Variants in GALNT9 observed in about 807,000 individuals in gnomAD.
GALNT9 encodes GalNAc transferase 9.
A neutral mutation model predicts 63.1 loss-of-function variants in GALNT9; 47 were observed. The observed-to-expected ratio is 0.75, with a 90% CI of 0.59 to 0.95. The LOEUF (loss-of-function observed/expected upper bound fraction) is 0.95, where lower values mean the gene tolerates loss of function less well. Ranked by LOEUF, GALNT9 falls within the 40% of genes least tolerant of loss-of-function variation. The pLI is 0.00. For synonymous variants in GALNT9, 396 were observed against 365.7 expected, an observed-to-expected ratio of 1.08 and a Z score of -0.94; for missense variants, 829 against 874.8, an observed-to-expected ratio of 0.95 and a Z score of 0.66.
intron 1 of GALNT9, among the ~76,000 whole-genome samples, chr12:132,300,028 G>A (rs566325923): frequency 2.1e-4 from 22 of 103,640 alleles, no homozygotes; most frequent in South Asian, 3.4e-4. Flanking sequence ...TCACTCCCAT[G>A]ATAACTAACC....
chr12:132,221,051 CAAAAAAAA>C (rs550355613), intron 6 of GALNT9, among the ~76,000 whole-genome samples: 2 of 71,014 alleles, frequency 2.8e-5, no homozygotes, highest in Admixed American at 1.8e-4. Flanking sequence ...GAGATTGTGT[CAAAAAAAA>C]AAAAAAAAAA....
intron 1 of GALNT9, among the ~76,000 whole-genome samples, chr12:132,318,824 C>T (rs1555245903): frequency 6.6e-6 from 1 of 152,220 alleles, no homozygotes; most frequent in East Asian, 1.9e-4. Flanking sequence ...CAGCCCGGGC[C>T]AGTTATGACC....
chr12:132,298,691 C>T (rs1881168413), intron 1 of GALNT9, among the ~76,000 whole-genome samples: 1 of 150,934 alleles, frequency 6.6e-6, no homozygotes, highest in South Asian at 2.1e-4. Context: ...CTAACCCACC[C>T]CTGAGATAAC....
chr12:132,294,787 G>A (rs1287151519), intron 1 of GALNT9, among the ~76,000 whole-genome samples: 2 of 149,336 alleles, frequency 1.3e-5, no homozygotes, highest in Admixed American at 6.7e-5. Flanking sequence ...GGAGGGATCT[G>A]TTAATAGCTC....
chr12:132,197,769 G>A, intron 10 of GALNT9, 23 bp downstream of exon 10: 1 of 1,424,370 alleles, frequency 7.0e-7, no homozygotes, highest in Non-Finnish European at 9.6e-7. Flanking sequence ...CAACCCCACG[G>A]CCCCCCTTCC....
chr12:132,257,989 G>A, intron 4 of GALNT9, 103 bp from the exon 5 acceptor site: 1 of 778,564 alleles, frequency 1.3e-6, no homozygotes. Context: ...CACCTGGTCT[G>A]CATCTAGCCC....
intron 5 of GALNT9, among the ~76,000 whole-genome samples, chr12:132,249,761 G>A (rs1878838498): frequency 6.6e-6 from 1 of 152,212 alleles, no homozygotes; most frequent in African/African-American, 2.4e-5. Context: ...GGCAGCACCA[G>A]CTGGAACTGG....
chr12:132,301,224 C>T (rs1352520324), intron 1 of GALNT9, among the ~76,000 whole-genome samples: 2 of 152,262 alleles, frequency 1.3e-5, no homozygotes, highest in Admixed American at 1.3e-4. Flanking sequence ...AGGCACCACC[C>T]CTGTATGGTG....
intron 6 of GALNT9, among the ~76,000 whole-genome samples, chr12:132,237,260 A>G (rs1565994466): frequency 6.6e-6 from 1 of 151,960 alleles, no homozygotes; most frequent in Non-Finnish European, 1.5e-5. Context: ...ACACCCGTCC[A>G]CACCTGTTCA....
chr12:132,222,908 C>A (rs1877511350), intron 6 of GALNT9, among the ~76,000 whole-genome samples: 1 of 24,916 alleles, frequency 4.0e-5, no homozygotes, highest in South Asian at 1.5e-3. Flanking sequence ...ACCCCACACC[C>A]CACATACATC....
intron 1 of GALNT9, among the ~76,000 whole-genome samples, chr12:132,326,714 A>C (rs1460156866): frequency 1.3e-5 from 2 of 152,216 alleles, no homozygotes. Context: ...CGGATGGATT[A>C]GTATCGAGTG....
rs1414796881 is a variant in GALNT9, at chr12:132,316,425, A to C, written c.238+12541T>G. ...ATCTATTTAGTGCTATAGCTTCACT[A>C]AAAAAGGAAAAAGAAAGAAAAGGAA... On this transcript the variant is annotated intron_variant, in intron 1 of 10. Transcript: ENST00000328957. The surrounding 1 kb of genome is among the most constrained non-coding windows in gnomAD (Gnocchi z 4.3). Among the ~76,000 whole-genome samples, 1 of 152,132 alleles carries C rather than the reference A, an allele frequency of 6.6e-6. No homozygotes were observed. Among genetic ancestry groups the C allele is most frequent in the Non-Finnish European group, 1.5e-5 (1 of 68,016 alleles).
rs546510038 is a variant in GALNT9 at position 132,317,028 on chromosome 12, C to T, written c.238+11938G>A. The stretch of plus-strand genomic sequence containing the variant: ...AGCCTGCACCCTACACCCCACGGAG[C>T]ATGGTCCTATTCTACACCCCACAGA... On this transcript the variant is annotated intron_variant, in intron 1 of 10. Transcript: ENST00000328957. 8.6e-5 allele frequency among the ~76,000 whole-genome samples: 13 copies of T among 151,098 alleles called. No homozygotes were observed. In the South Asian group the frequency reaches 2.5e-3, roughly 30 times the overall value.
chr12:132,304,253 A>G (rs370476808), intron 1 of GALNT9, among the ~76,000 whole-genome samples: 3 of 45,274 alleles, frequency 6.6e-5, no homozygotes, highest in Non-Finnish European at 4.1e-5. Context: ...ACCCAGACAC[A>G]CCCTCACCCG....
intron 1 of GALNT9, among the ~76,000 whole-genome samples, chr12:132,309,863 C>T (rs372916514): frequency 5.9e-5 from 9 of 152,274 alleles, no homozygotes; most frequent in East Asian, 1.9e-4. Flanking sequence ...GCCCAGCAGA[C>T]GCCCGGGCCA....
At chr12:132,302,810 G>T (rs1213167976) in intron 1 of GALNT9, among the ~76,000 whole-genome samples, 2 of 152,238 alleles carry the variant, frequency 1.3e-5, no homozygotes, top group Admixed American at 6.5e-5. Context: ...CAGCAGAAAG[G>T]GGACGGGACG....
chr12:132,249,894 G>A (rs887900783), intron 5 of GALNT9, among the ~76,000 whole-genome samples: 1 of 152,186 alleles, frequency 6.6e-6, no homozygotes, highest in African/African-American at 2.4e-5. Context: ...TCCGCCACAC[G>A]CGGGGCACAG....
chr12:132,301,197 T>A (rs1555243800), intron 1 of GALNT9, among the ~76,000 whole-genome samples: 1 of 152,176 alleles, frequency 6.6e-6, no homozygotes, highest in Non-Finnish European at 1.5e-5. Context: ...AAAGAGGGTG[T>A]CCAAAGGGAC....
chr12:132,305,022 C>G (rs1593117192), intron 1 of GALNT9, among the ~76,000 whole-genome samples: 1 of 45,458 alleles, frequency 2.2e-5, no homozygotes, highest in African/African-American at 1.0e-4. Flanking sequence ...CCGGGGCACA[C>G]CCTCACCCAG....
Sources: allele counts gnomAD v4.1 joint callset (sites outside exome capture counted in the v4.1 genomes callset), GRCh38; gene constraint gnomAD v4.1.1; non-coding constraint Gnocchi (gnomAD v3.1); transcripts MANE v1.5; gene names NCBI Gene and HGNC (gene_info 2026-07-23, HGNC 2026-07-21).